NFATC2: variants seen among roughly 807,000 people sequenced by gnomAD.
NFATC2 encodes the protein nuclear factor of activated T cells 2.
Under a neutral mutation model 87.3 loss-of-function variants are expected in NFATC2, and 22 were observed. The observed-to-expected ratio is 0.25, with a 90% CI of 0.18 to 0.36. The LOEUF (loss-of-function observed/expected upper bound fraction) is 0.36, where lower values mean the gene tolerates loss of function less well. Among genes scored for constraint, NFATC2 ranks in the 10% least tolerant of loss-of-function variants. The pLI is 1.00. For missense variants in NFATC2, 1,149 were observed against 1,259.1 expected (o/e 0.91, Z 1.32); for synonymous variants, 565 against 542.2 (o/e 1.04, Z -0.58).
intron 10 of NFATC2, 147 bp downstream of exon 10, chr20:51,398,496 A>AG (rs1327741893): frequency 7.1e-6 from 4 of 559,608 alleles, no homozygotes; most frequent in Non-Finnish European, 1.3e-5. Context: ...TCAGGAGTGG[A>AG]GGGGTCTAGC....
intron 4 of NFATC2, 21 bp downstream of exon 4, chr20:51,475,436 GC>G (rs1568664330): frequency 6.2e-7 from 1 of 1,612,134 alleles, no homozygotes; most frequent in South Asian, 1.1e-5. Flanking sequence ...AAGACCCGCC[GC>G]CCTCAGCTCC....
At chr20:51,456,679 C>A (rs1037647717) in intron 5 of NFATC2, among the ~76,000 whole-genome samples, 2 of 152,238 alleles carry the variant, frequency 1.3e-5, no homozygotes, top group African/African-American at 4.8e-5. Flanking sequence ...CCTCCCCAAG[C>A]CCAGAGAACT....
At chr20:51,514,259 G>A (rs983117035) in intron 3 of NFATC2, among the ~76,000 whole-genome samples, 1 of 152,152 alleles carries the variant, frequency 6.6e-6, no homozygotes, top group Admixed American at 6.5e-5. Flanking sequence ...AACATCTTTT[G>A]AATAATCAGT....
At chr20:51,424,444 C>T (rs567641545) in intron 9 of NFATC2, among the ~76,000 whole-genome samples, 1 of 152,304 alleles carries the variant, frequency 6.6e-6, no homozygotes, top group Non-Finnish European at 1.5e-5. Flanking sequence ...AACTACTGAA[C>T]CCTCACCGTG....
Position 51,475,553 on chromosome 20 carries a change from C to T in NFATC2, c.1440G>A (p.Thr480=), listed in dbSNP as rs769009657. 2.5e-5 allele frequency: 40 copies of T among 1,613,970 alleles called. No individual in the cohort carries two copies. Among genetic ancestry groups the T allele is most frequent in the South Asian group, 2.2e-4 (20 of 91,060 alleles). Residue 480 remains threonine (T), a synonymous_variant, in exon 4 of 11, where the codon ACG becomes ACA. Coordinates refer to ENST00000371564, the MANE Select transcript of NFATC2 (RefSeq NM_012340.5). The stretch of plus-strand genomic sequence containing the variant: ...AGCTGGTGGTGGTGACAGTTTTCCC[C>T]GTGATTCGGTGCACCTGGTAGAAGG... The part of the protein sequence containing the change: ...PHAFYQVHRI[T]GKTVTTTSYE...
intron 10 of NFATC2, among the ~76,000 whole-genome samples, chr20:51,393,530 C>T (rs1986623458): frequency 6.6e-6 from 1 of 152,150 alleles, no homozygotes; most frequent in African/African-American, 2.4e-5. Context: ...CTAACCAGCA[C>T]TAGTTGGGCA....
At chr20:51,406,644 A>AACCC (rs1484814773) in intron 9 of NFATC2, among the ~76,000 whole-genome samples, 2 of 152,146 alleles carry the variant, frequency 1.3e-5, no homozygotes, top group Admixed American at 1.3e-4. Flanking sequence ...AATTCCCACA[A>AACCC]ACCCACCAGC....
rs1404963431 is a variant in NFATC2 at position 51,454,609 on chromosome 20, C to T, written c.1788G>A (p.Met596Ile). The stretch of plus-strand genomic sequence containing the variant: ...ATGTAAAGTTCTGCCCCGTGAGGAT[C>T]ATTTGCTGGCCGCCATAGACCAGGC... ...DSCLVYGGQQ[M>I]ILTGQNFTSE... Residue 596 changes from methionine (M) to isoleucine (I), a missense_variant, in exon 6 of 11, where the codon ATG (methionine) becomes ATA (isoleucine). Physicochemically the swap from Met to Ile is conservative, Grantham distance 10. Coordinates refer to ENST00000371564, the MANE Select transcript of NFATC2 (RefSeq NM_012340.5). 2 of 1,614,126 alleles carry T rather than the reference C, an allele frequency of 1.2e-6. No homozygotes were observed. The highest frequency in any genetic ancestry group is 1.7e-6 in the Non-Finnish European group (2 of 1,180,028).
intron 9 of NFATC2, among the ~76,000 whole-genome samples, chr20:51,431,167 A>G (rs1982648816): frequency 6.6e-6 from 1 of 152,138 alleles, no homozygotes; most frequent in African/African-American, 2.4e-5. Flanking sequence ...CTCTATATCC[A>G]CAAAAAATTT....
chr20:51,396,096 G>T, intron 10 of NFATC2, among the ~76,000 whole-genome samples: 1 of 113,696 alleles, frequency 8.8e-6, no homozygotes, highest in South Asian at 3.1e-4. Flanking sequence ...ATATATATAA[G>T]CTAATGGCAA....
At chr20:51,476,703 T>C (rs1375358765) in intron 3 of NFATC2, among the ~76,000 whole-genome samples, 1 of 152,192 alleles carries the variant, frequency 6.6e-6, no homozygotes, top group African/African-American at 2.4e-5. Flanking sequence ...TAGTAGGCAT[T>C]CTAGTACATA....
In NFATC2 at chr20:51,391,826, T is replaced by TA. The variant is rs559405362; in HGVS notation, c.*45-376dup. Among the ~76,000 whole-genome samples, 1,124 of 152,304 alleles carry TA rather than the reference T, an allele frequency of 7.4e-3. 19 individuals are homozygous for TA. The highest frequency in any genetic ancestry group is 6.3e-3 in the Non-Finnish European group (428 of 68,028). On this transcript the variant is annotated intron_variant, in intron 10 of 10. Transcript: ENST00000371564. Reference sequence around the variant, plus strand: ...CCATTCTGCCCATCTCTATTTTTTTTAAATACTTTTTTTGTTGTTGTTCCT... The same window carrying TA: ...CCATTCTGCCCATCTCTATTTTTTTTAAAATACTTTTTTTGTTGTTGTTCCT...
chr20:51,510,038 T>C (rs914755739), intron 3 of NFATC2, among the ~76,000 whole-genome samples: 3 of 152,220 alleles, frequency 2.0e-5, no homozygotes, highest in Admixed American at 6.5e-5. Flanking sequence ...GAACATCTGC[T>C]TGAAAGAACC....
chr20:51,442,690 A>G (rs1176691750), intron 6 of NFATC2, among the ~76,000 whole-genome samples: 4 of 145,426 alleles, frequency 2.8e-5, no homozygotes, highest in Non-Finnish European at 4.5e-5. Flanking sequence ...TATTTTTATT[A>G]TTTTTAAATA....
At chr20:51,434,310 G>A (rs750888230) in intron 8 of NFATC2, among the ~76,000 whole-genome samples, 6 of 152,172 alleles carry the variant, frequency 3.9e-5, no homozygotes, top group Non-Finnish European at 8.8e-5. Context: ...GAGGCTCCCT[G>A]AGAAACTGTC....
intron 9 of NFATC2, among the ~76,000 whole-genome samples, chr20:51,427,761 CAG>C (rs1982066562): frequency 6.6e-6 from 1 of 152,198 alleles, no homozygotes; most frequent in Admixed American, 6.5e-5. Context: ...GCCGCCTCTT[CAG>C]AGTGGCCTTT....
intron 9 of NFATC2, among the ~76,000 whole-genome samples, chr20:51,414,534 C>T (rs1425293361): frequency 6.6e-6 from 1 of 151,966 alleles, no homozygotes; most frequent in Non-Finnish European, 1.5e-5. Flanking sequence ...ACTAAAAATA[C>T]AAAAATTAGC....
intron 1 of NFATC2, among the ~76,000 whole-genome samples, chr20:51,551,824 A>C (rs73616804): frequency 2.0e-5 from 3 of 151,500 alleles, no homozygotes; most frequent in Admixed American, 6.6e-5. Context: ...TCAGGAGATC[A>C]AGACCATCCT....
At chr20:51,405,843 C>G (rs909101035) in intron 9 of NFATC2, among the ~76,000 whole-genome samples, 3 of 152,192 alleles carry the variant, frequency 2.0e-5, no homozygotes, top group Non-Finnish European at 4.4e-5. Context: ...TCAACTGTCT[C>G]CCAGAGCACA....
Sources: allele counts gnomAD v4.1 joint callset (sites outside exome capture counted in the v4.1 genomes callset), GRCh38; gene constraint gnomAD v4.1.1; transcripts MANE v1.5; gene names NCBI Gene and HGNC (gene_info 2026-07-23, HGNC 2026-07-21).